Variants in PDE4B observed in about 807,000 individuals in gnomAD.
The protein encoded by PDE4B is 3',5'-cyclic-AMP phosphodiesterase 4B.
PDE4B carries 20 observed loss-of-function variants against 82.2 expected under a neutral mutation model. The ratio of observed to expected loss-of-function variants is 0.24; its 90% CI spans 0.17 to 0.35. PDE4B has a LOEUF of 0.35. PDE4B is among the 10% of genes least tolerant of loss of function. The probability of loss-of-function intolerance (pLI) is 1.00; values close to 1 mark genes in which losing one functional copy is unlikely to be tolerated. For missense variants in PDE4B, 655 were observed against 907.2 expected (o/e 0.72, Z 3.57); for synonymous variants, 320 against 318.9 (o/e 1.00, Z -0.04).
At chr1:66,002,567 A>G (rs1651924162) in intron 3 of PDE4B, among the ~76,000 whole-genome samples, 1 of 151,782 alleles carries the variant, frequency 6.6e-6, no homozygotes, top group Non-Finnish European at 1.5e-5. Flanking sequence ...AAAAAAATAA[A>G]TCTATAATAA....
intron 3 of PDE4B, among the ~76,000 whole-genome samples, chr1:65,937,046 A>T (rs1410507470): frequency 1.3e-5 from 2 of 152,162 alleles, no homozygotes; most frequent in African/African-American, 4.8e-5. Flanking sequence ...AGGTTTCCTT[A>T]TGGTGGACTC....
chr1:66,349,109 A>C (rs146009760), intron 8 of PDE4B, among the ~76,000 whole-genome samples: 1 of 152,290 alleles, frequency 6.6e-6, no homozygotes, highest in East Asian at 1.9e-4. Context: ...TTCAAGCCCT[A>C]ATCTCATTTA....
At chr1:66,021,114 CTT>C in intron 3 of PDE4B, among the ~76,000 whole-genome samples, 1 of 152,314 alleles carries the variant, frequency 6.6e-6, no homozygotes, top group South Asian at 2.1e-4. Context: ...TAAATGTCTT[CTT>C]TTGAGAATTG....
chr1:66,307,673 T>C (rs1326454891), intron 7 of PDE4B, among the ~76,000 whole-genome samples: 1 of 152,148 alleles, frequency 6.6e-6, no homozygotes, highest in African/African-American at 2.4e-5. Flanking sequence ...GCATTTGTGG[T>C]AGACCTAATC....
rs1427243332 is a variant in PDE4B, at chr1:65,990,033, T to C, written c.281+71198T>C. ...AATTTTATATTTCAATTGGCTGTCT[T>C]TGGTATTCCTATCTTTTTTCTAGAG... is the stretch of plus-strand genomic sequence containing the variant. On this transcript the variant is annotated intron_variant, in intron 3 of 16. Transcript: ENST00000341517. 7.9e-5 allele frequency among the ~76,000 whole-genome samples: 12 copies of C among 152,296 alleles called. No homozygotes were observed. The South Asian group carries it at 2.5e-3, about 32-fold the overall frequency.
At chr1:66,307,112 G>A (rs1288280977) in intron 7 of PDE4B, among the ~76,000 whole-genome samples, 3 of 152,000 alleles carry the variant, frequency 2.0e-5, no homozygotes, top group South Asian at 2.1e-4. Context: ...AGAAAGAGAG[G>A]GAGAGAGAGA....
At chr1:66,178,006 A>G (rs112994298) in intron 3 of PDE4B, among the ~76,000 whole-genome samples, 3,170 of 151,964 alleles carry the variant, frequency 0.021, 46 homozygotes, top group Middle Eastern at 0.031. Context: ...ACCATCAGGT[A>G]GCCTCACAAT....
rs780722032 is a variant in PDE4B at position 66,247,530 on chromosome 1, C to T, written c.352C>T (p.Leu118=). ...TCCCCAGGCCAGCTCTTCCGCTGGG[C>T]TGGTACTTCACGCCACCTTTCCTGG... is the stretch of plus-strand genomic sequence containing the variant. ...LDPQASSSAG[L]VLHATFPGHS... Residue 118 remains leucine (L), a synonymous_variant, in exon 4 of 17, where the codon CTG becomes TTG. Coordinates refer to ENST00000341517, the MANE Select transcript of PDE4B (RefSeq NM_002600.4). The T allele has an allele frequency of 6.2e-7, 1 of 1,612,990 alleles. No homozygotes were observed. The highest frequency in any genetic ancestry group is 1.1e-5 in the South Asian group (1 of 90,972).
chr1:66,318,809 A>T (rs72926324), intron 7 of PDE4B, among the ~76,000 whole-genome samples: 5,429 of 152,330 alleles, frequency 0.036, 177 homozygotes, highest in African/African-American at 0.076. Context: ...AAGACTTTGA[A>T]ATTCAGCATG....
At chr1:66,269,760 A>G (rs1655328743) in intron 7 of PDE4B, among the ~76,000 whole-genome samples, 1 of 152,234 alleles carries the variant, frequency 6.6e-6, no homozygotes, top group African/African-American at 2.4e-5. Context: ...TTTACTGAAA[A>G]GATAAATTAT....
chr1:66,334,128 A>G (rs1394386022), intron 8 of PDE4B, among the ~76,000 whole-genome samples: 2 of 152,198 alleles, frequency 1.3e-5, no homozygotes, highest in Non-Finnish European at 2.9e-5. Context: ...TTTTGTGGTA[A>G]TTGACGGCTA....
chr1:66,259,762 A>G (rs1275193982), intron 6 of PDE4B, among the ~76,000 whole-genome samples: 1 of 152,240 alleles, frequency 6.6e-6, no homozygotes, highest in African/African-American at 2.4e-5. Context: ...TTCATCACAT[A>G]TATGAACTTC....
intron 3 of PDE4B, among the ~76,000 whole-genome samples, chr1:66,095,914 TA>T (rs762023478): frequency 6.6e-6 from 1 of 151,932 alleles, no homozygotes; most frequent in Non-Finnish European, 1.5e-5. Flanking sequence ...CATGCTATTG[TA>T]AATGTTTATG....
intron 1 of PDE4B, among the ~76,000 whole-genome samples, chr1:65,810,494 GTC>G (rs1451474196): frequency 2.0e-5 from 3 of 152,130 alleles, no homozygotes; most frequent in Admixed American, 1.3e-4. Context: ...CCAACCCAAA[GTC>G]TATACTTTTT....
chr1:66,237,320 T>G (rs922311704), intron 3 of PDE4B, among the ~76,000 whole-genome samples: 6 of 152,248 alleles, frequency 3.9e-5, no homozygotes, highest in African/African-American at 1.4e-4. Flanking sequence ...TCCAATTTTA[T>G]GATTATTATT....
intron 3 of PDE4B, among the ~76,000 whole-genome samples, chr1:66,122,434 G>A (rs1010711810): frequency 9.2e-5 from 14 of 152,002 alleles, no homozygotes; most frequent in African/African-American, 3.1e-4. Flanking sequence ...GATATATTTT[G>A]ATATTAAAAA....
intron 1 of PDE4B, among the ~76,000 whole-genome samples, chr1:65,902,798 G>A (rs1344614635): frequency 2.0e-5 from 3 of 152,168 alleles, no homozygotes; most frequent in East Asian, 1.9e-4. Context: ...TTTGGTGGGT[G>A]CAGAAGTATA....
At chr1:66,017,342 A>G (rs923938752) in intron 3 of PDE4B, among the ~76,000 whole-genome samples, 5 of 152,224 alleles carry the variant, frequency 3.3e-5, no homozygotes, top group African/African-American at 1.2e-4. Context: ...CAGTAGACCT[A>G]GCCTATAATT....
intron 3 of PDE4B, among the ~76,000 whole-genome samples, chr1:66,237,649 T>G (rs1652563737): frequency 6.6e-6 from 1 of 152,202 alleles, no homozygotes; most frequent in South Asian, 2.1e-4. Flanking sequence ...TTACATCAAC[T>G]TATGTTTTAA....
Sources: gnomAD v4.1 joint callset for allele counts (sites outside exome capture counted in the v4.1 genomes callset) on GRCh38, gnomAD v4.1.1 for gene constraint, MANE v1.5 for transcripts, NCBI Gene and HGNC (gene_info 2026-07-23, HGNC 2026-07-21) for gene names.